The following FAM151A variants were observed in gnomAD, a reference collection of about 807,000 sequenced individuals.
The protein encoded by FAM151A is protein FAM151A.
FAM151A carries 41 observed loss-of-function variants against 40.4 expected under a neutral mutation model. The observed-to-expected ratio is 1.01, with a 90% CI of 0.79 to 1.32. The LOEUF is 1.32. Among genes scored for constraint, FAM151A ranks in the 40% most tolerant of loss-of-function variants. The probability of loss-of-function intolerance (pLI) is 0.00; values close to 1 mark genes in which losing one functional copy is unlikely to be tolerated. For synonymous variants in FAM151A, 337 were observed against 312.5 expected, an observed-to-expected ratio of 1.08 and a Z score of -0.83; for missense variants, 740 against 740.4, an observed-to-expected ratio of 1.00 and a Z score of 0.01.
intron 2 of FAM151A, among the ~76,000 whole-genome samples, chr1:54,617,031 ATC>A (rs1427184426): frequency 6.6e-6 from 1 of 152,166 alleles, no homozygotes. Context: ...AGCCCATGTT[ATC>A]AAACTGCTTT....
intron 6 of FAM151A, 132 bp from the exon 7 acceptor site, chr1:54,610,687 T>C: frequency 7.0e-7 from 1 of 1,428,588 alleles, no homozygotes; most frequent in South Asian, 1.5e-5. Context: ...CAAGTAGCTC[T>C]CATTTCCTTG....
chr1:54,621,768 T>C (rs1644231776), intron 1 of FAM151A: 1 of 151,950 alleles, frequency 6.6e-6, no homozygotes, highest in Admixed American at 6.6e-5. Flanking sequence ...AGGCATGAGG[T>C]GGGGGCATGG....
intron 2 of FAM151A, among the ~76,000 whole-genome samples, chr1:54,619,376 C>T (rs929808138): frequency 6.6e-6 from 1 of 152,190 alleles, no homozygotes; most frequent in African/African-American, 2.4e-5. Context: ...TGCTTTCAGA[C>T]AGTGTAACCT....
At chr1:54,619,111 G>A (rs1391171427) in intron 2 of FAM151A, among the ~76,000 whole-genome samples, 1 of 152,208 alleles carries the variant, frequency 6.6e-6, no homozygotes. Context: ...TCTCAAAGTT[G>A]GTCCTGGGGC....
chr1:54,613,248 G>A (rs1400655227), intron 4 of FAM151A, among the ~76,000 whole-genome samples: 3 of 152,056 alleles, frequency 2.0e-5, no homozygotes, highest in Admixed American at 2.0e-4. Flanking sequence ...ACGTGGTGGC[G>A]CATGGCTATA....
At chr1:54,620,877 A>AAAG (rs1644223342) in intron 1 of FAM151A, among the ~76,000 whole-genome samples, 4 of 135,006 alleles carry the variant, frequency 3.0e-5, no homozygotes, top group African/African-American at 8.4e-5. Context: ...AAAAAAAAAA[A>AAAG]GGCTGGGTTT....
chr1:54,613,263 C>T (rs1378506615), intron 4 of FAM151A, among the ~76,000 whole-genome samples: 11 of 152,028 alleles, frequency 7.2e-5, no homozygotes, highest in Admixed American at 5.2e-4. Flanking sequence ...GCTATAATCC[C>T]AGCTACTTGG....
chr1:54,609,232 C>A lies in FAM151A; in HGVS notation c.*36G>T. ...TTCCTGCCTCCCCGTGGGAAGCCTC[C>A]GCCCTGAGGTCCGCTGGCCCACCAC... On this transcript the variant is annotated 3_prime_UTR_variant, in exon 8 of 8. Transcript: ENST00000302250. The A allele has an allele frequency of 6.3e-7, 1 of 1,590,726 alleles. No homozygotes were observed. The highest frequency in any genetic ancestry group is 8.6e-7 in the Non-Finnish European group (1 of 1,167,064).
intron 3 of FAM151A, among the ~76,000 whole-genome samples, chr1:54,615,203 G>A (rs1644160226): frequency 6.6e-6 from 1 of 152,158 alleles, no homozygotes; most frequent in African/African-American, 2.4e-5. Context: ...GACTCAGAGG[G>A]TCCTAAACCA....
chr1:54,609,608 TG>T lies in FAM151A; in HGVS notation c.1417del (p.His473ThrfsTer2). On this transcript the variant is annotated frameshift_variant, in exon 8 of 8. Transcript: ENST00000302250. LOFTEE classifies it low-confidence loss of function (END_TRUNC). ...LLTAVAEVFPHVTVAPGWPEE... is the reference protein window; with the variant it reads ...LLTAVAEVFPXVTVAPGWPEE... The stretch of plus-strand genomic sequence containing the variant: ...AGGCCAGCCTGGTGCCACAGTCACG[TG>T]GGGGAAGACCTCAGCCACAGCTGTA... 3 of 1,613,418 alleles carry T rather than the reference TG, an allele frequency of 1.9e-6. No homozygotes were observed. In the African/African-American group the frequency reaches 4.0e-5, roughly 21 times the overall value.
At position 54,616,083 on chromosome 1, in the gene FAM151A, T is replaced by TG. The variant is rs749953492; in HGVS notation, c.351dup (p.Thr118HisfsTer5). ...TCCAGTGTGTTGTCACTGTAGATAG[T>TG]GGGGGGGTGTGCCATGATGGGAACT... On this transcript the variant is annotated frameshift_variant, in exon 3 of 8. Transcript: ENST00000302250. LOFTEE classifies it high-confidence loss of function. 173 of 1,613,934 alleles carry TG rather than the reference T, an allele frequency of 1.1e-4. No individual in the cohort carries two copies. The Admixed American group carries it at 1.6e-3, about 15-fold the overall frequency.
chr1:54,609,323 T>C lies in FAM151A; in HGVS notation c.1703A>G (p.Tyr568Cys), dbSNP rs1344148675. 3 of 1,613,394 alleles carry C rather than the reference T, an allele frequency of 1.9e-6. No homozygotes were observed. The highest frequency in any genetic ancestry group is 2.7e-5 in the African/African-American group (2 of 74,866). ...ARAVDRTRVY[Y>C]RLPQGYHKDL... Reference sequence around the variant, plus strand: ...CTTGTGGTAGCCCTGGGGTAGCCTGTAGTAGACTCGGGTCCTGTCCACAGC... The same window carrying C: ...CTTGTGGTAGCCCTGGGGTAGCCTGCAGTAGACTCGGGTCCTGTCCACAGC... Residue 568 changes from tyrosine to cysteine, a missense_variant, in exon 8 of 8, where the codon TAC becomes TGC. Tyr to Cys is a radical substitution (Grantham distance 194). Transcript: ENST00000302250.
At position 54,609,246 on chromosome 1, in the gene FAM151A, C is replaced by T. The variant is rs758065053; in HGVS notation, c.*22G>A. 1.9e-6 allele frequency: 3 copies of T among 1,594,476 alleles called. No homozygotes were observed. In the South Asian group the frequency reaches 3.4e-5, roughly 18 times the overall value. ...TGGGAAGCCTCCGCCCTGAGGTCCG[C>T]TGGCCCACCACCCCTGGGTGCTCAG... On this transcript the variant is annotated 3_prime_UTR_variant, in exon 8 of 8. Coordinates refer to ENST00000302250, the MANE Select transcript of FAM151A (RefSeq NM_176782.3).
chr1:54,612,686 C>A lies in FAM151A; in HGVS notation c.600G>T (p.Lys200Asn), dbSNP rs1305224732. 6.2e-7 allele frequency: 1 copy of A among 1,613,892 alleles called. No individual in the cohort carries two copies. Among genetic ancestry groups the A allele is most frequent in the Non-Finnish European group, 8.5e-7 (1 of 1,179,978 alleles). The change falls in exon 5 of 8, where the codon AAG becomes AAT. Residue 200 changes from lysine to asparagine, a missense_variant. Transcript: ENST00000302250. ...ATQFLALVQE[K>N]YPKATLSPGW... Reference sequence around the variant, plus strand: ...CTGGAGATAGGGTAGCCTTGGGATACTTCTCCTGGACCAGGGCCAGGAACC... The same window carrying A: ...CTGGAGATAGGGTAGCCTTGGGATAATTCTCCTGGACCAGGGCCAGGAACC...
In FAM151A at chr1:54,609,694, C is replaced by A; in HGVS notation, c.1332G>T (p.Gly444=). 1 of 1,614,076 alleles carries A rather than the reference C, an allele frequency of 6.2e-7. No individual in the cohort carries two copies. Among genetic ancestry groups the A allele is most frequent in the Non-Finnish European group, 8.5e-7 (1 of 1,180,022 alleles). ...AAAAACTCCCGTGGGAGATTTTGGCCCCAACCCACACAGGCCAATGCAAGA... is the reference window on the plus strand; with the variant it reads ...AAAAACTCCCGTGGGAGATTTTGGCACCAACCCACACAGGCCAATGCAAGA... ...LGLLHWPVWV[G]AKISHGSFSV... The change falls in exon 8 of 8, where the codon GGG becomes GGT. Residue 444 remains glycine, a synonymous_variant. Coordinates refer to ENST00000302250, the MANE Select transcript of FAM151A (RefSeq NM_176782.3).
chr1:54,610,654 C>T, intron 6 of FAM151A, 99 bp from the exon 7 acceptor site: 1 of 1,503,408 alleles, frequency 6.7e-7, no homozygotes, highest in Non-Finnish European at 8.9e-7. Context: ...CGGGCATCCT[C>T]TCTAAGCCTC....
chr1:54,620,351 G>C (rs1435338436), intron 1 of FAM151A, among the ~76,000 whole-genome samples: 1 of 152,256 alleles, frequency 6.6e-6, no homozygotes, highest in Non-Finnish European at 1.5e-5. Context: ...TCAGGAGAGT[G>C]CAGTTGCCTG....
intron 1 of FAM151A, 44 bp downstream of exon 1, chr1:54,623,234 C>T (rs373739721): frequency 1.7e-5 from 23 of 1,326,028 alleles, no homozygotes; most frequent in African/African-American, 1.6e-4. Flanking sequence ...AAGGAGCGAG[C>T]GATGAGGGAA....
chr1:54,619,331 G>C (rs1347557368), intron 2 of FAM151A, among the ~76,000 whole-genome samples: 1 of 152,142 alleles, frequency 6.6e-6, no homozygotes, highest in Non-Finnish European at 1.5e-5. Context: ...GTGCACTCTG[G>C]GACTGACCAC....
Sources: allele counts gnomAD v4.1 joint callset (sites outside exome capture counted in the v4.1 genomes callset), GRCh38; gene constraint gnomAD v4.1.1; transcripts MANE v1.5; gene names NCBI Gene and HGNC (gene_info 2026-07-23, HGNC 2026-07-21).